The following GTF2A1L variants were observed in gnomAD, a reference collection of about 807,000 sequenced individuals.
GTF2A1L encodes general transcription factor IIA subunit 1 like.
GTF2A1L carries 48 observed loss-of-function variants against 49.7 expected under a neutral mutation model. The ratio of observed to expected loss-of-function variants is 0.97; its 90% confidence interval spans 0.77 to 1.23. The LOEUF (loss-of-function observed/expected upper bound fraction) is 1.23, where lower values mean the gene tolerates loss of function less well. Ranked by LOEUF, GTF2A1L falls within the 50% of genes most tolerant of loss-of-function variation. The probability of loss-of-function intolerance (pLI) is 0.00; values close to 1 mark genes in which losing one functional copy is unlikely to be tolerated. For synonymous variants in GTF2A1L, 246 were observed against 193.5 expected (o/e 1.27, Z -2.25); for missense variants, 736 against 564.8 (o/e 1.30, Z -3.07).
At chr2:48,675,033 A>G (rs1558778414) in intron 8 of GTF2A1L, among the ~76,000 whole-genome samples, 1 of 152,182 alleles carries the variant, frequency 6.6e-6, no homozygotes, top group African/African-American at 2.4e-5. Context: ...GAACACTGTT[A>G]TAGTGAATCT....
chr2:48,650,240 A>G (rs984395031), intron 6 of GTF2A1L, among the ~76,000 whole-genome samples: 1 of 152,130 alleles, frequency 6.6e-6, no homozygotes, highest in Non-Finnish European at 1.5e-5. Context: ...TAAGGATAGG[A>G]TCTAGAATTA....
At chr2:48,661,169 C>T (rs531941963) in intron 6 of GTF2A1L, among the ~76,000 whole-genome samples, 2 of 147,626 alleles carry the variant, frequency 1.4e-5, no homozygotes, top group Admixed American at 1.4e-4. Context: ...TAAAGTTAAA[C>T]TGTTAATTTG....
intron 8 of GTF2A1L, among the ~76,000 whole-genome samples, chr2:48,676,806 T>G (rs1377277603): frequency 6.6e-6 from 1 of 151,588 alleles, no homozygotes; most frequent in Non-Finnish European, 1.5e-5. Flanking sequence ...TTCATATATA[T>G]CTATATATCT....
chr2:48,624,854 C>A (rs1306299889), intron 3 of GTF2A1L, among the ~76,000 whole-genome samples: 5 of 143,108 alleles, frequency 3.5e-5, no homozygotes, highest in African/African-American at 1.2e-4. Flanking sequence ...TCAGTTTCAT[C>A]TATGTTGTGA....
Position 48,668,845 on chromosome 2 carries a change from T to A in GTF2A1L, c.979-877T>A, listed in dbSNP as rs989421286. Reference sequence around the variant, plus strand: ...GCGAGACCCCGCCTCAAAAAATAAATAAATAAATAAATAAATAAATACACA... The same window carrying A: ...GCGAGACCCCGCCTCAAAAAATAAAAAAATAAATAAATAAATAAATACACA... On this transcript the variant is annotated intron_variant, in intron 6 of 8. Transcript: ENST00000403751. Among the ~76,000 whole-genome samples the A allele has an allele frequency of 4.0e-5, 6 of 151,456 alleles. No individual in the cohort carries two copies. The South Asian group carries it at 6.3e-4, about 16-fold the overall frequency.
chr2:48,672,063 C>T (rs577792093), intron 8 of GTF2A1L, among the ~76,000 whole-genome samples: 23 of 152,262 alleles, frequency 1.5e-4, no homozygotes, highest in African/African-American at 5.1e-4. Context: ...AGATATGCAG[C>T]ACAGATAGTA....
chr2:48,657,401 C>T (rs970779933), intron 6 of GTF2A1L, among the ~76,000 whole-genome samples: 1 of 152,228 alleles, frequency 6.6e-6, no homozygotes, highest in Non-Finnish European at 1.5e-5. Context: ...TGATGGCCTT[C>T]GGCAGTATGC....
intron 6 of GTF2A1L, among the ~76,000 whole-genome samples, chr2:48,654,651 T>C (rs1451801940): frequency 6.6e-6 from 1 of 152,228 alleles, no homozygotes; most frequent in Non-Finnish European, 1.5e-5. Flanking sequence ...CTCAAAGTGC[T>C]GGGGAAACAG....
chr2:48,659,103 T>C (rs1395681152), intron 6 of GTF2A1L, among the ~76,000 whole-genome samples: 1 of 152,148 alleles, frequency 6.6e-6, no homozygotes, highest in East Asian at 1.9e-4. Flanking sequence ...GACTTTTTTC[T>C]CTAGTTGCCT....
rs554777921 is a variant in GTF2A1L, at chr2:48,652,726, G to A, written c.978+5684G>A. 6.4e-4 allele frequency among the ~76,000 whole-genome samples: 96 copies of A among 150,700 alleles called. 4 individuals are homozygous for A. The South Asian group carries it at 0.012, about 19-fold the overall frequency. On this transcript the variant is annotated intron_variant, in intron 6 of 8. Coordinates refer to ENST00000403751, the MANE Select transcript of GTF2A1L (RefSeq NM_006872.5). ...TTATTTATTTTTGAGATGGAGTCTC[G>A]CTCTGTCGCCCAGACTGGAGTGCAG...
intron 3 of GTF2A1L, among the ~76,000 whole-genome samples, chr2:48,636,758 G>C (rs941580970): frequency 6.6e-6 from 1 of 152,096 alleles, no homozygotes; most frequent in East Asian, 1.9e-4. Flanking sequence ...TTTTGAGAGA[G>C]AGACAAATGG....
At chr2:48,642,291 T>C (rs1677241087) in intron 3 of GTF2A1L, 111 bp from the exon 4 acceptor site, 4 of 1,050,256 alleles carry the variant, frequency 3.8e-6, no homozygotes, top group Non-Finnish European at 5.1e-6. Context: ...GAATTCACCA[T>C]GGTTTAACCT....
At chr2:48,670,705 C>T (rs1039279698) in intron 7 of GTF2A1L, among the ~76,000 whole-genome samples, 7 of 152,152 alleles carry the variant, frequency 4.6e-5, no homozygotes, top group Non-Finnish European at 8.8e-5. Context: ...TTAATAGTCC[C>T]AAAGTCCTGT....
At chr2:48,661,833 C>T (rs1177105135) in intron 6 of GTF2A1L, among the ~76,000 whole-genome samples, 1 of 152,028 alleles carries the variant, frequency 6.6e-6, no homozygotes, top group Non-Finnish European at 1.5e-5. Flanking sequence ...ATAGTTGGAT[C>T]TTGTTTTTTA....
chr2:48,649,004 A>C (rs1297857313), intron 6 of GTF2A1L, among the ~76,000 whole-genome samples: 1 of 152,182 alleles, frequency 6.6e-6, no homozygotes, highest in African/African-American at 2.4e-5. Flanking sequence ...CCTGTGTTGT[A>C]AACTACTGGA....
intron 6 of GTF2A1L, among the ~76,000 whole-genome samples, chr2:48,652,039 C>A (rs1677880489): frequency 6.6e-6 from 1 of 152,066 alleles, no homozygotes; most frequent in Non-Finnish European, 1.5e-5. Context: ...TTTTTCAATG[C>A]CTGGTGGAAG....
At chr2:48,636,807 C>G (rs1323991871) in intron 3 of GTF2A1L, among the ~76,000 whole-genome samples, 1 of 152,112 alleles carries the variant, frequency 6.6e-6, no homozygotes, top group Non-Finnish European at 1.5e-5. Context: ...CAGGTGTAAA[C>G]TGGGACTGTC....
chr2:48,670,642 A>T (rs1165453925), intron 7 of GTF2A1L, among the ~76,000 whole-genome samples: 1 of 152,166 alleles, frequency 6.6e-6, no homozygotes, highest in African/African-American at 2.4e-5. Context: ...GCTATAATTT[A>T]TGGCAGCCTT....
intron 6 of GTF2A1L, among the ~76,000 whole-genome samples, chr2:48,665,773 T>C (rs2104289566): frequency 6.6e-6 from 1 of 152,228 alleles, no homozygotes; most frequent in Admixed American, 6.5e-5. Flanking sequence ...TTGAAGCTAT[T>C]TGGCTATTTT....
Sources: allele counts gnomAD v4.1 joint callset (sites outside exome capture counted in the v4.1 genomes callset), GRCh38; gene constraint gnomAD v4.1.1; transcripts MANE v1.5; gene names NCBI Gene and HGNC (gene_info 2026-07-23, HGNC 2026-07-21).